Variants in NOX4 observed in about 807,000 individuals in gnomAD.
NOX4 encodes kidney oxidase-1.
Under a neutral mutation model 87.6 loss-of-function variants are expected in NOX4, and 69 were observed. The observed-to-expected ratio is 0.79, with a 90% CI of 0.65 to 0.96. NOX4 has a LOEUF of 0.96. NOX4 is among the 40% of genes least tolerant of loss of function. The pLI is 0.00. For synonymous variants in NOX4, 275 were observed against 238.2 expected (o/e 1.15, Z -1.42); for missense variants, 680 against 681.5 (o/e 1.00, Z 0.02).
intron 8 of NOX4, among the ~76,000 whole-genome samples, chr11:89,414,230 T>C (rs563281203): frequency 5.3e-5 from 8 of 152,210 alleles, no homozygotes; most frequent in East Asian, 1.9e-4. Flanking sequence ...AGCAAAACTA[T>C]GGTAATTCAC....
At chr11:89,536,138 C>CTTTTTTTTTT in the NOX4 span, among the ~76,000 whole-genome samples, 1 of 88,954 alleles carries the variant, frequency 1.1e-5, no homozygotes, top group African/African-American at 4.8e-5. Flanking sequence ...TGGTCCTTTT[C>CTTTTTTTTTT]TTTTTTTTTT....
the NOX4 span, among the ~76,000 whole-genome samples, chr11:89,519,767 A>G: frequency 6.6e-6 from 1 of 152,024 alleles, no homozygotes; most frequent in African/African-American, 2.4e-5. Context: ...AATATATAAC[A>G]TTTATATTCA....
intron 8 of NOX4, among the ~76,000 whole-genome samples, chr11:89,412,051 CA>C (rs1185331997): frequency 6.6e-6 from 1 of 151,928 alleles, no homozygotes; most frequent in Non-Finnish European, 1.5e-5. Flanking sequence ...GATTTCAAGA[CA>C]AAAACCATAA....
intron 2 of NOX4, among the ~76,000 whole-genome samples, chr11:89,484,559 G>A (rs1311833553): frequency 2.6e-5 from 4 of 151,978 alleles, no homozygotes; most frequent in Non-Finnish European, 1.5e-5. Flanking sequence ...TTGGACTAAG[G>A]AGAACAATAG....
intron 12 of NOX4, among the ~76,000 whole-genome samples, chr11:89,361,497 T>G (rs542295720): frequency 5.9e-5 from 9 of 152,140 alleles, no homozygotes; most frequent in African/African-American, 2.2e-4. Flanking sequence ...AACTACATAT[T>G]GGGTACAGTG....
intron 9 of NOX4, 24 bp from the exon 10 acceptor site, chr11:89,400,403 A>G (rs765361554): frequency 1.0e-5 from 16 of 1,538,014 alleles, no homozygotes; most frequent in Non-Finnish European, 1.4e-5. Context: ...TTGAAAATAT[A>G]CTTCAAGAAA....
chr11:89,415,925 G>A (rs1159342139), intron 8 of NOX4, among the ~76,000 whole-genome samples: 1 of 152,064 alleles, frequency 6.6e-6, no homozygotes, highest in Admixed American at 6.6e-5. Context: ...TCTCTAAAGT[G>A]AGACAAAGCT....
intron 3 of NOX4, among the ~76,000 whole-genome samples, chr11:89,449,745 G>A (rs1944870957): frequency 1.3e-5 from 2 of 151,840 alleles, no homozygotes; most frequent in Admixed American, 1.3e-4. Context: ...AGATGTTCAA[G>A]ACACATTGTT....
At chr11:89,451,227 T>C (rs192846276) in intron 3 of NOX4, among the ~76,000 whole-genome samples, 99 of 152,178 alleles carry the variant, frequency 6.5e-4, no homozygotes, top group Non-Finnish European at 1.3e-3. Context: ...AAAAGACATG[T>C]TTCTCAAGCC....
intron 11 of NOX4, among the ~76,000 whole-genome samples, chr11:89,393,780 C>G (rs1941285032): frequency 6.6e-6 from 1 of 152,090 alleles, no homozygotes; most frequent in African/African-American, 2.4e-5. Flanking sequence ...GAAACTGAGC[C>G]TTAGCAAGGT....
chr11:89,456,520 G>T (rs139738539), intron 2 of NOX4, among the ~76,000 whole-genome samples: 95 of 152,270 alleles, frequency 6.2e-4, no homozygotes, highest in African/African-American at 2.2e-3. Flanking sequence ...CATTGAGAGT[G>T]GATGCAGTTA....
chr11:89,451,735 T>TA, intron 3 of NOX4, 50 bp downstream of exon 3: 2 of 1,255,442 alleles, frequency 1.6e-6, no homozygotes, highest in Non-Finnish European at 2.3e-6. Flanking sequence ...ATGCGACTGT[T>TA]ACACTTGATT....
At chr11:89,488,039 A>G (rs535110591) in intron 2 of NOX4, among the ~76,000 whole-genome samples, 1 of 152,236 alleles carries the variant, frequency 6.6e-6, no homozygotes, top group East Asian at 1.9e-4. Context: ...TTCATAACAG[A>G]TAATTACTGA....
At chr11:89,534,782 G>C in the NOX4 span, among the ~76,000 whole-genome samples, 1 of 152,228 alleles carries the variant, frequency 6.6e-6, no homozygotes, top group Admixed American at 6.5e-5. Flanking sequence ...GAACTACTGG[G>C]ATGTGATGCT....
At chr11:89,519,696 G>T in the NOX4 span, among the ~76,000 whole-genome samples, 60 of 152,146 alleles carry the variant, frequency 3.9e-4, no homozygotes, top group African/African-American at 1.1e-3. Flanking sequence ...TTAAAATCCT[G>T]CAGTGAAGAA....
chr11:89,353,907 T>A (rs1203085788), intron 13 of NOX4, among the ~76,000 whole-genome samples: 1 of 152,214 alleles, frequency 6.6e-6, no homozygotes, highest in Non-Finnish European at 1.5e-5. Context: ...CACATGTATG[T>A]CTTTGTGTGT....
intron 8 of NOX4, among the ~76,000 whole-genome samples, chr11:89,418,147 T>G (rs1445984216): frequency 6.6e-6 from 1 of 151,932 alleles, no homozygotes; most frequent in Admixed American, 6.6e-5. Context: ...ACAAAAAATT[T>G]GGGTCCTAAA....
intron 16 of NOX4, among the ~76,000 whole-genome samples, chr11:89,336,845 T>C (rs574541553): frequency 6.6e-6 from 1 of 152,120 alleles, no homozygotes; most frequent in Non-Finnish European, 1.5e-5. Flanking sequence ...CCAAGTATTG[T>C]GAAAATGTAT....
At chr11:89,461,470 C>T (rs1247978519) in intron 2 of NOX4, among the ~76,000 whole-genome samples, 1 of 151,764 alleles carries the variant, frequency 6.6e-6, no homozygotes, top group Non-Finnish European at 1.5e-5. Flanking sequence ...CAGTGAAACT[C>T]CGTCTCTACT....
Sources: allele counts gnomAD v4.1 joint callset (sites outside exome capture counted in the v4.1 genomes callset), GRCh38; gene constraint gnomAD v4.1.1; transcripts MANE v1.5; gene names NCBI Gene and HGNC (gene_info 2026-07-23, HGNC 2026-07-21).